The following DHCR24 variants were observed in gnomAD, a reference collection of about 807,000 sequenced individuals.
DHCR24 encodes 24-dehydrocholesterol reductase.
DHCR24 carries 28 observed loss-of-function variants against 61.2 expected under a neutral mutation model. That is an observed-to-expected ratio of 0.46 (90% confidence interval 0.34 to 0.63). DHCR24 has a LOEUF of 0.63. Ranked by LOEUF, DHCR24 falls within the 20% of genes least tolerant of loss-of-function variation. DHCR24 has a pLI of 0.01. For missense variants in DHCR24, 538 were observed against 679.1 expected, an observed-to-expected ratio of 0.79 and a Z score of 2.31; for synonymous variants, 261 against 275.9, an observed-to-expected ratio of 0.95 and a Z score of 0.54.
intron 2 of DHCR24, among the ~76,000 whole-genome samples, chr1:54,881,287 A>G (rs1393000020): frequency 6.6e-6 from 1 of 152,260 alleles, no homozygotes; most frequent in African/African-American, 2.4e-5. Flanking sequence ...ACTTAAACAA[A>G]CTTACAAGAA....
chr1:54,865,198 C>T (rs1557433541), intron 6 of DHCR24, 105 bp downstream of exon 6: 3 of 1,420,228 alleles, frequency 2.1e-6, no homozygotes, highest in Non-Finnish European at 2.9e-6. Context: ...TAGGACAAAG[C>T]CACTCTTTAC....
At chr1:54,869,529 T>C (rs879681592) in intron 5 of DHCR24, among the ~76,000 whole-genome samples, 3 of 152,092 alleles carry the variant, frequency 2.0e-5, no homozygotes, top group Non-Finnish European at 4.4e-5. Context: ...ATTAGGCCAA[T>C]TATTTACATG....
intron 6 of DHCR24, among the ~76,000 whole-genome samples, chr1:54,860,712 G>A (rs554958222): frequency 1.4e-4 from 22 of 152,194 alleles, no homozygotes; most frequent in Non-Finnish European, 2.4e-4. Context: ...GAGGCCAGGC[G>A]CAGTGGCTCA....
intron 6 of DHCR24, among the ~76,000 whole-genome samples, chr1:54,856,617 G>A (rs74953488): frequency 6.6e-6 from 1 of 151,726 alleles, no homozygotes; most frequent in Admixed American, 6.6e-5. Context: ...AAAAAACAAA[G>A]GTTATTGACC....
intron 4 of DHCR24, among the ~76,000 whole-genome samples, chr1:54,874,879 G>A (rs1647018188): frequency 6.6e-6 from 1 of 152,052 alleles, no homozygotes; most frequent in Admixed American, 6.5e-5. Context: ...TCATTAGGTT[G>A]TTGAAGGATA....
chr1:54,880,648 C>T (rs1457889551), intron 2 of DHCR24, among the ~76,000 whole-genome samples: 7 of 151,978 alleles, frequency 4.6e-5, no homozygotes, highest in Admixed American at 4.6e-4. Context: ...ACCTGTAATC[C>T]CAGCTACTTG....
chr1:54,885,995 G>A (rs925040049), intron 1 of DHCR24, among the ~76,000 whole-genome samples: 2 of 152,136 alleles, frequency 1.3e-5, no homozygotes, highest in African/African-American at 4.8e-5. Context: ...ACGTCTCTCC[G>A]CATCCATCTT....
intron 6 of DHCR24, among the ~76,000 whole-genome samples, chr1:54,860,037 A>C (rs1198088570): frequency 6.6e-6 from 1 of 152,044 alleles, no homozygotes; most frequent in African/African-American, 2.4e-5. Flanking sequence ...GGGAGACCCC[A>C]TAGCCCCTCC....
rs1272506088 is a variant in DHCR24 at position 54,883,739 on chromosome 1, A to T, written c.266T>A (p.Phe89Tyr). Reference sequence around the variant, plus strand: ...CCAGCCAGGGCGCCCCGTGCACATGAAGGTCTTGCTACCCTGCTCCTTCCA... The same window carrying T: ...CCAGCCAGGGCGCCCCGTGCACATGTAGGTCTTGCTACCCTGCTCCTTCCA... ...REWKEQGSKTFMCTGRPGWLT... is the reference protein window; with the variant it reads ...REWKEQGSKTYMCTGRPGWLT... Residue 89 changes from phenylalanine to tyrosine, a missense_variant, in exon 2 of 9, where the codon TTC becomes TAC. Transcript: ENST00000371269. This position sits in a 1 kb window ranked among gnomAD's most constrained non-coding sequence, Gnocchi z 4.3. The T allele has an allele frequency of 3.7e-6, 6 of 1,614,078 alleles. No individual in the cohort carries two copies. In the Admixed American group the frequency reaches 8.3e-5, roughly 22 times the overall value.
rs376645763 is a variant in DHCR24 at position 54,853,586 on chromosome 1, G to A, written c.1245C>T (p.Phe415=). The change falls in exon 8 of 9, where the codon TTC becomes TTT. Residue 415 remains phenylalanine (F), a synonymous_variant. Transcript: ENST00000371269. ...CTAGGCCTGGCTGGCTGGGCAGGATGAACGGACACAGCCAGATGGGGTAGA... is the reference window on the plus strand; with the variant it reads ...CTAGGCCTGGCTGGCTGGGCAGGATAAACGGACACAGCCAGATGGGGTAGA... ...IHVYPIWLCP[F]ILPSQPGLVH... 6.2e-7 allele frequency: 1 copy of A among 1,613,992 alleles called. No individual in the cohort carries two copies. The highest frequency in any genetic ancestry group is 8.5e-7 in the Non-Finnish European group (1 of 1,179,986).
intron 1 of DHCR24, 54 bp downstream of exon 1, chr1:54,886,835 C>A: frequency 1.3e-6 from 2 of 1,590,778 alleles, no homozygotes; most frequent in Non-Finnish European, 1.7e-6. Flanking sequence ...GTCCCGCTAT[C>A]CCCGCGCACG....
intron 6 of DHCR24, among the ~76,000 whole-genome samples, chr1:54,862,698 C>T (rs779707211): frequency 2.6e-5 from 4 of 152,184 alleles, no homozygotes; most frequent in Non-Finnish European, 5.9e-5. Context: ...TCCCGACACA[C>T]GTCACTGGCT....
chr1:54,876,072 T>C (rs1647027056), intron 2 of DHCR24, 25 bp from the exon 3 acceptor site: 2 of 1,602,324 alleles, frequency 1.2e-6, no homozygotes, highest in Non-Finnish European at 1.7e-6. Context: ...AAAGAGACCC[T>C]GGGTCAAAAG....
chr1:54,861,701 A>C (rs909739043), intron 6 of DHCR24, among the ~76,000 whole-genome samples: 2 of 152,204 alleles, frequency 1.3e-5, no homozygotes, highest in Non-Finnish European at 1.5e-5. Flanking sequence ...TACCCCAGCA[A>C]CACAGATTCC....
intron 4 of DHCR24, among the ~76,000 whole-genome samples, chr1:54,874,503 C>T (rs1258200468): frequency 6.6e-6 from 1 of 152,186 alleles, no homozygotes; most frequent in African/African-American, 2.4e-5. Flanking sequence ...TCCAAATAGC[C>T]TACGTGTGAA....
At position 54,862,814 on chromosome 1, in the gene DHCR24, C is replaced by T. The variant is rs552055574; in HGVS notation, c.1020+2489G>A. On this transcript the variant is annotated intron_variant, in intron 6 of 8. Coordinates refer to ENST00000371269, the MANE Select transcript of DHCR24 (RefSeq NM_014762.4). ...CAACCAGGCCGGGTGCGGTGGTTCA[C>T]GCCTGTAATACCAGCACTTTGGGAG... Among the ~76,000 whole-genome samples, 594 of 152,210 alleles carry T rather than the reference C, an allele frequency of 3.9e-3. 5 individuals carry two copies. Among genetic ancestry groups the T allele is most frequent in the African/African-American group, 0.014 (564 of 41,524 alleles).
intron 2 of DHCR24, among the ~76,000 whole-genome samples, chr1:54,878,721 C>T (rs1042026007): frequency 3.9e-5 from 6 of 151,922 alleles, no homozygotes; most frequent in Admixed American, 3.9e-4. Context: ...AATTGAGACC[C>T]AGTGGGATCA....
Position 54,865,437 on chromosome 1 carries a change from T to C in DHCR24, c.886A>G (p.Ile296Val), listed in dbSNP as rs1301150605. ...DEAEPSKLNSIGNYYKPWFFK... is the reference protein window; with the variant it reads ...DEAEPSKLNSVGNYYKPWFFK... The stretch of plus-strand genomic sequence containing the variant: ...AACCACGGCTTGTAGTAATTGCCAA[T>C]GCTATTCAGCTGAAATGACAGAGGG... The change falls in exon 6 of 9, where the codon ATT becomes GTT. Residue 296 changes from isoleucine to valine, a missense_variant. Ile to Val is a conservative substitution (Grantham distance 29). Transcript: ENST00000371269. The C allele has an allele frequency of 1.9e-6, 3 of 1,614,176 alleles. No individual in the cohort carries two copies. Among genetic ancestry groups the C allele is most frequent in the South Asian group, 2.2e-5 (2 of 91,084 alleles).
chr1:54,870,731 G>C (rs1486200967), intron 5 of DHCR24, among the ~76,000 whole-genome samples: 1 of 152,224 alleles, frequency 6.6e-6, no homozygotes, highest in Admixed American at 6.5e-5. Flanking sequence ...ACAGATACAA[G>C]GGGCCAACTG....
Sources: gnomAD v4.1 joint callset for allele counts (sites outside exome capture counted in the v4.1 genomes callset) on GRCh38, gnomAD v4.1.1 for gene constraint, Gnocchi (gnomAD v3.1) non-coding constraint, MANE v1.5 for transcripts, NCBI Gene and HGNC (gene_info 2026-07-23, HGNC 2026-07-21) for gene names.